The following TYW1 variants were observed in gnomAD, a reference collection of about 807,000 sequenced individuals.
TYW1 encodes tRNA-yW synthesizing protein 1 homolog, also known as S-adenosyl-L-methionine-dependent tRNA 4-demethylwyosine synthase TYW1.
A neutral mutation model predicts 96.2 loss-of-function variants in TYW1; 46 were observed. The ratio of observed to expected loss-of-function variants is 0.48; its 90% CI spans 0.38 to 0.61. The LOEUF (loss-of-function observed/expected upper bound fraction) is 0.61, where lower values mean the gene tolerates loss of function less well. Ranked by LOEUF, TYW1 falls within the 20% of genes least tolerant of loss-of-function variation. TYW1 has a pLI of 0.00. For synonymous variants in TYW1, 274 were observed against 323.0 expected (o/e 0.85, Z 1.63); for missense variants, 684 against 909.6 (o/e 0.75, Z 3.19).
At chr7:67,220,353 G>A (rs1486733542) in intron 15 of TYW1, among the ~76,000 whole-genome samples, 12 of 151,784 alleles carry the variant, frequency 7.9e-5, no homozygotes, top group Admixed American at 2.0e-4. Context: ...ACAGGCGCCT[G>A]CCACCATGCC....
At chr7:67,059,741 A>G (rs1192461756) in intron 9 of TYW1, among the ~76,000 whole-genome samples, 3 of 151,426 alleles carry the variant, frequency 2.0e-5, no homozygotes, top group African/African-American at 7.3e-5. Flanking sequence ...TTTCTCAGAA[A>G]GCATGACTGA....
intron 13 of TYW1, among the ~76,000 whole-genome samples, chr7:67,177,953 A>G (rs1405790097): frequency 6.7e-6 from 1 of 148,534 alleles, no homozygotes; most frequent in African/African-American, 2.5e-5. Flanking sequence ...CAAGAGTTCG[A>G]GACCAGCCTG....
At chr7:67,013,470 G>T (rs1793888289) in intron 4 of TYW1, among the ~76,000 whole-genome samples, 1 of 152,086 alleles carries the variant, frequency 6.6e-6, no homozygotes, top group Non-Finnish European at 1.5e-5. Context: ...TGCCTGAGGA[G>T]ATGGTAATGG....
intron 12 of TYW1, among the ~76,000 whole-genome samples, chr7:67,105,517 C>A (rs1797209363): frequency 6.6e-6 from 1 of 152,150 alleles, no homozygotes; most frequent in African/African-American, 2.4e-5. Flanking sequence ...TACATAAAAT[C>A]TGGACTTTTG....
chr7:67,169,003 G>A (rs937192371), intron 13 of TYW1, among the ~76,000 whole-genome samples: 14 of 152,074 alleles, frequency 9.2e-5, no homozygotes, highest in African/African-American at 3.4e-4. Context: ...TGAGCACTGT[G>A]GCCGGCCTGT....
chr7:67,201,161 A>G (rs34176733), intron 15 of TYW1, among the ~76,000 whole-genome samples: 37,664 of 150,034 alleles, frequency 0.25, 4,959 homozygotes, highest in African/African-American at 0.3. Context: ...AGACAGAGAA[A>G]CCAGTTAAAA....
At chr7:67,000,489 A>C (rs1311694174) in intron 3 of TYW1, among the ~76,000 whole-genome samples, 3 of 151,562 alleles carry the variant, frequency 2.0e-5, no homozygotes, top group Non-Finnish European at 4.4e-5. Flanking sequence ...AGTAGAGACG[A>C]GGTTTCACCA....
intron 15 of TYW1, among the ~76,000 whole-genome samples, chr7:67,199,087 C>G (rs1800501666): frequency 6.6e-6 from 1 of 152,000 alleles, no homozygotes; most frequent in Non-Finnish European, 1.5e-5. Flanking sequence ...GTCCCAGCTA[C>G]TTAGGGGACT....
chr7:67,080,571 T>A (rs1377701010), intron 10 of TYW1, among the ~76,000 whole-genome samples: 3 of 152,102 alleles, frequency 2.0e-5, no homozygotes, highest in Non-Finnish European at 4.4e-5. Context: ...GGCTAATTTT[T>A]GTATTTTTAG....
intron 10 of TYW1, among the ~76,000 whole-genome samples, chr7:67,069,340 C>A (rs1163961028): frequency 6.6e-6 from 1 of 152,154 alleles, no homozygotes; most frequent in Non-Finnish European, 1.5e-5. Flanking sequence ...GTCATTGTCA[C>A]AAATGACAAC....
intron 13 of TYW1, among the ~76,000 whole-genome samples, chr7:67,182,532 C>T (rs1004921540): frequency 7.2e-6 from 1 of 138,112 alleles, no homozygotes. Flanking sequence ...CCACTGCACT[C>T]CAGCCTGGAG....
At chr7:67,062,577 A>AAAAAAAAAAAG (rs773963932) in intron 9 of TYW1, among the ~76,000 whole-genome samples, 10 of 147,114 alleles carry the variant, frequency 6.8e-5, no homozygotes, top group African/African-American at 2.4e-4. Flanking sequence ...AAAAAAAAAA[A>AAAAAAAAAAAG]AAAAGAAAAG....
At chr7:67,157,532 C>T (rs1046978273) in intron 13 of TYW1, among the ~76,000 whole-genome samples, 2 of 152,216 alleles carry the variant, frequency 1.3e-5, no homozygotes, top group Admixed American at 6.5e-5. Context: ...GTGATCCACT[C>T]GCCTCAACCT....
intron 13 of TYW1, among the ~76,000 whole-genome samples, chr7:67,124,377 T>A (rs771866455): frequency 6.6e-6 from 1 of 152,056 alleles, no homozygotes; most frequent in Non-Finnish European, 1.5e-5. Context: ...GGGATACAGA[T>A]GTGCTCCACC....
chr7:67,209,472 C>T (rs1301045241), intron 15 of TYW1, among the ~76,000 whole-genome samples: 6 of 152,144 alleles, frequency 3.9e-5, no homozygotes, highest in African/African-American at 4.8e-5. Context: ...CCTAGTACAG[C>T]GGGTCACAGG....
intron 7 of TYW1, among the ~76,000 whole-genome samples, chr7:67,044,313 T>G (rs1795121248): frequency 1.3e-5 from 2 of 151,758 alleles, no homozygotes; most frequent in African/African-American, 4.8e-5. Flanking sequence ...GGCCAGGCTG[T>G]TCTAGAACTC....
intron 15 of TYW1, among the ~76,000 whole-genome samples, chr7:67,235,593 G>A (rs1801858549): frequency 6.6e-6 from 1 of 152,088 alleles, no homozygotes; most frequent in South Asian, 2.1e-4. Context: ...TTCTAGATTT[G>A]TTAAGAGGTG....
At chr7:67,193,540 A>G (rs151197954) in intron 14 of TYW1, among the ~76,000 whole-genome samples, 680 of 152,216 alleles carry the variant, frequency 4.5e-3, no homozygotes, top group Non-Finnish European at 7.3e-3. Context: ...GGGCAGATCA[A>G]TTGAGGTCAG....
At chr7:67,146,647 T>C (rs1020549791) in intron 13 of TYW1, among the ~76,000 whole-genome samples, 1 of 152,172 alleles carries the variant, frequency 6.6e-6, no homozygotes, top group Non-Finnish European at 1.5e-5. Context: ...ATAAGAATAT[T>C]GTATAACAAT....
Sources: allele counts gnomAD v4.1 joint callset (sites outside exome capture counted in the v4.1 genomes callset), GRCh38; gene constraint gnomAD v4.1.1; transcripts MANE v1.5; gene names NCBI Gene and HGNC (gene_info 2026-07-23, HGNC 2026-07-21).